Variants in CNTNAP2 observed in about 807,000 individuals in gnomAD.
CNTNAP2 encodes the protein contactin-associated protein-like 2.
Under a neutral mutation model 155.2 loss-of-function variants are expected in CNTNAP2, and 98 were observed. The observed-to-expected ratio is 0.63, with a 90% CI of 0.54 to 0.75. The LOEUF (loss-of-function observed/expected upper bound fraction) is 0.75, where lower values mean the gene tolerates loss of function less well. Among genes scored for constraint, CNTNAP2 ranks in the 30% least tolerant of loss-of-function variants. The probability of loss-of-function intolerance (pLI) is 0.00; values close to 1 mark genes in which losing one functional copy is unlikely to be tolerated. For synonymous variants in CNTNAP2, 651 were observed against 631.2 expected (o/e 1.03, Z -0.47); for missense variants, 1,727 against 1,688.1 (o/e 1.02, Z -0.40).
Position 146,526,128 on chromosome 7 carries a change from G to C in CNTNAP2, c.98-248143G>C, listed in dbSNP as rs561508157. ...AAACAGAAAAATTGGAGTTAATAAA[G>C]GGACCCACAGCTTCACTACTCAAAG... On this transcript the variant is annotated intron_variant, in intron 1 of 23. Transcript: ENST00000361727. 1.2e-4 allele frequency among the ~76,000 whole-genome samples: 18 copies of C among 152,162 alleles called. No homozygotes were observed. The South Asian group carries it at 3.7e-3, about 32-fold the overall frequency.
At chr7:147,738,799 C>A (rs527853606) in intron 13 of CNTNAP2, among the ~76,000 whole-genome samples, 1 of 151,932 alleles carries the variant, frequency 6.6e-6, no homozygotes, top group African/African-American at 2.4e-5. Context: ...GGATTACAGG[C>A]ATGTGCCACC....
rs1265521104 is a variant in CNTNAP2, at chr7:147,315,045, G to A, written c.1498+14755G>A. Among the ~76,000 whole-genome samples the A allele has an allele frequency of 1.3e-4, 19 of 143,294 alleles. 1 individual carries two copies. The highest frequency in any genetic ancestry group is 4.9e-4 in the African/African-American group (19 of 38,896). The allele number at this position is 143,294 out of a possible 152,430, so 94.0% of individuals were successfully genotyped here. ...GGCAGAGATTTTGTGTGTTTGCTAA[G>A]ATAATACATGTTTCATACCAGGCTT... On this transcript the variant is annotated intron_variant, in intron 9 of 23. Transcript: ENST00000361727.
At chr7:146,395,090 T>C (rs1185321748) in intron 1 of CNTNAP2, among the ~76,000 whole-genome samples, 6 of 152,134 alleles carry the variant, frequency 3.9e-5, no homozygotes, top group African/African-American at 1.4e-4. Context: ...TATGGCCGAG[T>C]AATATTTCAT....
At chr7:147,716,568 T>C (rs1796484232) in intron 13 of CNTNAP2, among the ~76,000 whole-genome samples, 1 of 152,110 alleles carries the variant, frequency 6.6e-6, no homozygotes, top group Non-Finnish European at 1.5e-5. Context: ...GTACATGTGC[T>C]AACCAAAAAG....
At chr7:147,193,978 G>A (rs369286240) in intron 8 of CNTNAP2, among the ~76,000 whole-genome samples, 4 of 151,798 alleles carry the variant, frequency 2.6e-5, no homozygotes, top group Non-Finnish European at 5.9e-5. Flanking sequence ...AAAAAAAAGT[G>A]GGGGGAGATA....
chr7:148,059,147 G>T (rs967928057), intron 15 of CNTNAP2, among the ~76,000 whole-genome samples: 12 of 152,090 alleles, frequency 7.9e-5, no homozygotes, highest in African/African-American at 2.7e-4. Flanking sequence ...AATTAGCTGG[G>T]CGTGGTGGTA....
At chr7:147,757,713 G>A (rs2116513544) in intron 13 of CNTNAP2, among the ~76,000 whole-genome samples, 1 of 152,132 alleles carries the variant, frequency 6.6e-6, no homozygotes, top group South Asian at 2.1e-4. Context: ...TTTCCTTAGA[G>A]CTTCAGGTAA....
intron 15 of CNTNAP2, among the ~76,000 whole-genome samples, chr7:147,997,650 T>C (rs940518258): frequency 5.9e-5 from 9 of 151,884 alleles, no homozygotes; most frequent in African/African-American, 2.2e-4. Context: ...GAAAGTTAAG[T>C]GCAGAATAGA....
chr7:146,956,754 C>T (rs896070042), intron 3 of CNTNAP2, among the ~76,000 whole-genome samples: 1 of 152,046 alleles, frequency 6.6e-6, no homozygotes, highest in Non-Finnish European at 1.5e-5. Flanking sequence ...GGCTGACATT[C>T]TGGATGCATG....
intron 3 of CNTNAP2, among the ~76,000 whole-genome samples, chr7:146,914,206 G>A (rs1456559982): frequency 1.3e-5 from 2 of 151,820 alleles, no homozygotes; most frequent in East Asian, 3.9e-4. Flanking sequence ...TTTGACTGGT[G>A]GGCATTTGGG....
chr7:146,713,358 A>G (rs1005138001), intron 1 of CNTNAP2, among the ~76,000 whole-genome samples: 6 of 152,124 alleles, frequency 3.9e-5, no homozygotes, highest in African/African-American at 1.4e-4. Flanking sequence ...TGGTCAATCA[A>G]TACTTTTGCT....
intron 1 of CNTNAP2, among the ~76,000 whole-genome samples, chr7:146,771,208 CA>C (rs2129185358): frequency 6.6e-6 from 1 of 152,230 alleles, no homozygotes; most frequent in East Asian, 1.9e-4. Flanking sequence ...TTTTCGTTGG[CA>C]TGTTTCTTCC....
chr7:148,055,293 T>C (rs1802985864), intron 15 of CNTNAP2, among the ~76,000 whole-genome samples: 1 of 152,228 alleles, frequency 6.6e-6, no homozygotes, highest in African/African-American at 2.4e-5. Flanking sequence ...CTCCTGATGG[T>C]AACTGATCAC....
intron 11 of CNTNAP2, among the ~76,000 whole-genome samples, chr7:147,541,672 A>G (rs547174212): frequency 1.3e-5 from 2 of 152,314 alleles, no homozygotes; most frequent in South Asian, 4.1e-4. Context: ...TGAATTATTC[A>G]AAACTTTGGT....
At chr7:147,892,001 GA>G (rs965904142) in intron 13 of CNTNAP2, among the ~76,000 whole-genome samples, 5 of 151,756 alleles carry the variant, frequency 3.3e-5, no homozygotes, top group Middle Eastern at 3.2e-3. Flanking sequence ...ACTATTATTA[GA>G]AAAAATCTCT....
intron 4 of CNTNAP2, among the ~76,000 whole-genome samples, chr7:147,078,444 G>T (rs1257462107): frequency 1.3e-5 from 2 of 152,132 alleles, no homozygotes; most frequent in African/African-American, 4.8e-5. Context: ...GAGCCCCGAT[G>T]ACTGTTTTTC....
At chr7:146,612,077 A>G (rs947901910) in intron 1 of CNTNAP2, among the ~76,000 whole-genome samples, 16 of 152,190 alleles carry the variant, frequency 1.1e-4, no homozygotes, top group African/African-American at 3.9e-4. Flanking sequence ...CCCAAGCTTT[A>G]TTTAAATTGA....
intron 1 of CNTNAP2, among the ~76,000 whole-genome samples, chr7:146,345,837 G>A (rs567443057): frequency 6.6e-6 from 1 of 152,264 alleles, no homozygotes; most frequent in Non-Finnish European, 1.5e-5. Flanking sequence ...AGAGGCAGAG[G>A]AGCAGGGCAA....
intron 1 of CNTNAP2, among the ~76,000 whole-genome samples, chr7:146,163,479 A>C (rs34088420): frequency 0.14 from 20,521 of 144,034 alleles, 1,759 homozygotes; most frequent in Middle Eastern, 0.21. Flanking sequence ...ATATCTATAT[A>C]TATCTATCTA....
Sources: gnomAD v4.1 joint callset for allele counts (sites outside exome capture counted in the v4.1 genomes callset) on GRCh38, gnomAD v4.1.1 for gene constraint, MANE v1.5 for transcripts, NCBI Gene and HGNC (gene_info 2026-07-23, HGNC 2026-07-21) for gene names.